COPG1: variants seen among roughly 807,000 people sequenced by gnomAD.
COPG1 encodes coatomer subunit gamma-1.
A neutral mutation model predicts 102.8 loss-of-function variants in COPG1; 29 were observed. That is an observed-to-expected ratio of 0.28 (90% CI 0.21 to 0.38). The LOEUF is 0.38. Ranked by LOEUF, COPG1 falls within the 10% of genes least tolerant of loss-of-function variation. The pLI is 1.00. For synonymous variants in COPG1, 406 were observed against 421.6 expected, an observed-to-expected ratio of 0.96 and a Z score of 0.45; for missense variants, 875 against 1,132.7, an observed-to-expected ratio of 0.77 and a Z score of 3.27.
rs749897825 is a variant in COPG1 at position 129,267,047 on chromosome 3, T to C, written c.1492T>C (p.Phe498Leu). The C allele has an allele frequency of 2.5e-6, 4 of 1,613,834 alleles. No homozygotes were observed. ...AGGTGCTGTGAGTGCTCTGGCGAAGTTTGGAGCCCAGAATGAAGAGATGTT... is the reference window on the plus strand; with the variant it reads ...AGGTGCTGTGAGTGCTCTGGCGAAGCTTGGAGCCCAGAATGAAGAGATGTT... Reference protein sequence around the residue: ...RAGAVSALAKFGAQNEEMLPS... With the variant: ...RAGAVSALAKLGAQNEEMLPS... Residue 498 changes from phenylalanine (F) to leucine (L), a missense_variant, in exon 15 of 24, where the codon TTT becomes CTT. Physicochemically the swap from Phe to Leu is conservative, Grantham distance 22. Coordinates refer to ENST00000314797, the MANE Select transcript of COPG1 (RefSeq NM_016128.4).
chr3:129,254,580 G>A, intron 5 of COPG1, 88 bp from the exon 6 acceptor site: 1 of 910,010 alleles, frequency 1.1e-6, no homozygotes, highest in Admixed American at 2.0e-5. Flanking sequence ...GGCTCGTGTA[G>A]TAATCTGGGC....
At chr3:129,276,750 G>A (rs1287644115) in intron 23 of COPG1, among the ~76,000 whole-genome samples, 1 of 151,936 alleles carries the variant, frequency 6.6e-6, no homozygotes, top group African/African-American at 2.4e-5. Context: ...CTTAGCAGAA[G>A]CCTGAAATAT....
chr3:129,273,979 G>A (rs1576970906), intron 21 of COPG1: 1 of 455,226 alleles, frequency 2.2e-6, no homozygotes, highest in East Asian at 6.9e-5. Flanking sequence ...TGCTCAGCCT[G>A]TGGATGGGGA....
chr3:129,266,454 A>G (rs1265962513), intron 14 of COPG1, among the ~76,000 whole-genome samples: 2 of 152,008 alleles, frequency 1.3e-5, no homozygotes, highest in Non-Finnish European at 2.9e-5. Context: ...CTTTCACTGT[A>G]TGTTGATGTT....
At chr3:129,250,231 G>A in intron 1 of COPG1, among the ~76,000 whole-genome samples, 1 of 152,212 alleles carries the variant, frequency 6.6e-6, no homozygotes, top group East Asian at 1.9e-4. Flanking sequence ...AACAGAGCAA[G>A]TGGGACACTC....
At chr3:129,253,481 T>G (rs536770765) in intron 5 of COPG1, among the ~76,000 whole-genome samples, 24 of 152,204 alleles carry the variant, frequency 1.6e-4, no homozygotes, top group African/African-American at 5.3e-4. Context: ...TCTGGGGATA[T>G]AGCAACAAAA....
chr3:129,277,724 C>G lies in COPG1; in HGVS notation c.*300C>G, dbSNP rs537137816. On this transcript the variant is annotated 3_prime_UTR_variant, in exon 24 of 24. Coordinates refer to ENST00000314797, the MANE Select transcript of COPG1 (RefSeq NM_016128.4). ...ATTCTCAACTCCTCTTGAATCTATC[C>G]CCCAAGAAACCATCTTATCCCTGTA... 3.4e-6 allele frequency: 1 copy of G among 296,922 alleles called. No homozygotes were observed. Among genetic ancestry groups the G allele is most frequent in the African/African-American group, 2.2e-5 (1 of 46,470 alleles). 18.4% of individuals were successfully genotyped at this position (296,922 alleles called of 1,614,324 possible).
At chr3:129,249,789 C>T in intron 1 of COPG1, 43 bp downstream of exon 1, 1 of 1,532,168 alleles carries the variant, frequency 6.5e-7, no homozygotes, top group East Asian at 2.4e-5. Flanking sequence ...CGGACCCCCA[C>T]CCGCCGAGCT....
intron 7 of COPG1, 53 bp downstream of exon 7, chr3:129,255,130 A>T: frequency 8.4e-7 from 1 of 1,185,368 alleles, no homozygotes. Flanking sequence ...AATTGAAGAA[A>T]ATTTAAGAGT....
At chr3:129,277,159 G>C (rs2107680841) in intron 23 of COPG1, 135 bp from the exon 24 acceptor site, 4 of 858,676 alleles carry the variant, frequency 4.7e-6, no homozygotes, top group East Asian at 5.1e-5. Context: ...CCCTCACTCA[G>C]GGATTTCAGC....
At chr3:129,258,908 G>T (rs1939866977) in intron 10 of COPG1, among the ~76,000 whole-genome samples, 1 of 152,212 alleles carries the variant, frequency 6.6e-6, no homozygotes, top group South Asian at 2.1e-4. Context: ...CTGGAAAGTG[G>T]ATATGTTGAG....
Position 129,252,215 on chromosome 3 carries a change from C to T in COPG1, c.91-66C>T, listed in dbSNP as rs1293985860. On this transcript the variant is annotated intron_variant, in intron 2 of 23. Coordinates refer to ENST00000314797, the MANE Select transcript of COPG1 (RefSeq NM_016128.4). ...TCAGTTTACCCTGAGACTTCTCAGA[C>T]ATTGAATATACTTGAAGGGAAATGA... 2.6e-6 allele frequency: 3 copies of T among 1,133,496 alleles called. No individual in the cohort carries two copies. The African/African-American group carries it at 4.7e-5, about 18-fold the overall frequency. The allele number at this position is 1,133,496 out of a possible 1,614,324, so 70.2% of individuals were successfully genotyped here. A position where few individuals can be genotyped will look rare whatever the true frequency, so the allele number is the denominator to read the frequency against.
At chr3:129,268,693 C>T in intron 17 of COPG1, 73 bp downstream of exon 17, 2 of 1,552,490 alleles carry the variant, frequency 1.3e-6, no homozygotes, top group East Asian at 2.2e-5. Flanking sequence ...GCTGCAAAGC[C>T]ACTAACCTAA....
intron 21 of COPG1, among the ~76,000 whole-genome samples, 184 bp from the exon 22 acceptor site, chr3:129,274,654 G>A (rs1418411769): frequency 6.6e-6 from 1 of 152,158 alleles, no homozygotes; most frequent in Non-Finnish European, 1.5e-5. Flanking sequence ...GATACCATTT[G>A]CCTTTGGGCA....
chr3:129,274,997 T>A, intron 22 of COPG1, 21 bp downstream of exon 22: 1 of 1,613,156 alleles, frequency 6.2e-7, no homozygotes. Flanking sequence ...GGGAATGCCA[T>A]CTCTGGCCTA....
intron 21 of COPG1, chr3:129,274,172 C>T: frequency 2.3e-6 from 1 of 429,690 alleles, no homozygotes; most frequent in Non-Finnish European, 4.6e-6. Flanking sequence ...TGTTTGAGCC[C>T]ATCCAGAGAT....
At chr3:129,268,069 C>T in intron 16 of COPG1, 29 bp downstream of exon 16, 2 of 1,550,096 alleles carry the variant, frequency 1.3e-6, no homozygotes, top group Non-Finnish European at 1.8e-6. Flanking sequence ...ATCTTGGACT[C>T]AGCACCTTAC....
chr3:129,255,011 C>G lies in COPG1; in HGVS notation c.426C>G (p.Arg142=). 1.9e-6 allele frequency: 3 copies of G among 1,614,156 alleles called. No homozygotes were observed. The highest frequency in any genetic ancestry group is 2.5e-6 in the Non-Finnish European group (3 of 1,180,002). The change falls in exon 7 of 24, where the codon CGC becomes CGG. Residue 142 remains arginine, a synonymous_variant. Coordinates refer to ENST00000314797, the MANE Select transcript of COPG1 (RefSeq NM_016128.4). The part of the protein sequence containing the change: ...TDSTMLQAIE[R]YMKQAIVDKV... ...GCACCATGCTGCAGGCTATTGAGCGCTACATGAAACAAGCCATTGTGGACA... is the reference window on the plus strand; with the variant it reads ...GCACCATGCTGCAGGCTATTGAGCGGTACATGAAACAAGCCATTGTGGACA...
Position 129,271,913 on chromosome 3 carries a change from A to G in COPG1, c.1986+4A>G. On this transcript the variant is annotated splice_donor_region_variant and intron_variant, in intron 19 of 23. Transcript: ENST00000314797. The surrounding 1 kb of genome is among the most constrained non-coding windows in gnomAD (Gnocchi z 4.7). ...CACCAACCACATGGTTTTTCAGGTG[A>G]GCAAGGTGGGCTGAGGCCCTGCTGG... The G allele has an allele frequency of 6.2e-7, 1 of 1,613,792 alleles. No homozygotes were observed. The highest frequency in any genetic ancestry group is 8.5e-7 in the Non-Finnish European group (1 of 1,179,892).
Sources: gnomAD v4.1 joint callset for allele counts (sites outside exome capture counted in the v4.1 genomes callset) on GRCh38, gnomAD v4.1.1 for gene constraint, Gnocchi (gnomAD v3.1) non-coding constraint, MANE v1.5 for transcripts, NCBI Gene and HGNC (gene_info 2026-07-23, HGNC 2026-07-21) for gene names.